UTP25: variants seen among roughly 807,000 people sequenced by gnomAD.
The protein encoded by UTP25 is U3 small nucleolar RNA-associated protein 25 homolog.
A neutral mutation model predicts 78.9 loss-of-function variants in UTP25; 50 were observed. That is an observed-to-expected ratio of 0.63 (90% confidence interval 0.50 to 0.80). UTP25 has a LOEUF of 0.80. UTP25 is among the 30% of genes least tolerant of loss of function. The pLI, the probability that UTP25 is intolerant of heterozygous loss-of-function variation, is 0.00. For synonymous variants in UTP25, 329 were observed against 336.5 expected (o/e 0.98, Z 0.24); for missense variants, 846 against 911.3 (o/e 0.93, Z 0.92).
At chr1:209,829,473 T>C (rs1571998331) in intron 1 of UTP25, among the ~76,000 whole-genome samples, 1 of 149,496 alleles carries the variant, frequency 6.7e-6, no homozygotes, top group South Asian at 2.2e-4. Context: ...ACATTCTTTT[T>C]TTCTTTTCTT....
chr1:209,848,400 G>A (rs1311769412), intron 11 of UTP25, among the ~76,000 whole-genome samples: 2 of 152,108 alleles, frequency 1.3e-5, no homozygotes, highest in African/African-American at 4.8e-5. Flanking sequence ...ACATCACATT[G>A]TTTTTAATGG....
intron 3 of UTP25, among the ~76,000 whole-genome samples, chr1:209,832,888 T>TATAA (rs1016913119): frequency 2.0e-5 from 3 of 152,010 alleles, no homozygotes; most frequent in Admixed American, 1.3e-4. Flanking sequence ...TGTCTCAATA[T>TATAA]ATAAATAAAT....
rs1422513586 is a variant in UTP25, at chr1:209,856,192, G to A, written c.*4745G>A. The A allele has an allele frequency of 1.3e-5, 2 of 152,222 alleles. No individual in the cohort carries two copies. The highest frequency in any genetic ancestry group is 2.1e-4 in the South Asian group (1 of 4,816). The allele number at this position is 152,222 out of a possible 1,614,324, so 9.4% of individuals were successfully genotyped here. The stretch of plus-strand genomic sequence containing the variant: ...GAGTAATCCCCACTAGCCTTATAGA[G>A]GGACTGTGTGAGAAGGGAAGAGACT... On this transcript the variant is annotated 3_prime_UTR_variant, in exon 12 of 12. Transcript: ENST00000491415.
chr1:209,839,009 A>C lies in UTP25; in HGVS notation c.1163A>C (p.Asn388Thr), dbSNP rs1173407486. ...GDSKKKIIVSNKKRFQGEYGS... is the reference protein window; with the variant it reads ...GDSKKKIIVSTKKRFQGEYGS... ...AGCAAGAAGAAAATCATTGTGAGCA[A>C]CAAAAAGAGGTTTCAGGGAGAATAT... Residue 388 changes from asparagine to threonine, a missense_variant, in exon 7 of 12, where the codon AAC (asparagine) becomes ACC (threonine). Transcript: ENST00000491415. 1 of 1,614,162 alleles carries C rather than the reference A, an allele frequency of 6.2e-7. No individual in the cohort carries two copies. The highest frequency in any genetic ancestry group is 1.1e-5 in the South Asian group (1 of 91,082).
At chr1:209,837,266 T>A in intron 6 of UTP25, 55 bp downstream of exon 6, 1 of 1,556,454 alleles carries the variant, frequency 6.4e-7, no homozygotes, top group South Asian at 1.2e-5. Context: ...GGCACTGCCA[T>A]AGAGGTGCCT....
chr1:209,833,347 A>G lies in UTP25; in HGVS notation c.551A>G (p.Lys184Arg). The G allele has an allele frequency of 6.4e-7, 1 of 1,572,036 alleles. No individual in the cohort carries two copies. The highest frequency in any genetic ancestry group is 8.6e-7 in the Non-Finnish European group (1 of 1,162,996). Residue 184 changes from lysine to arginine, a missense_variant, in exon 4 of 12, where the codon AAA (lysine) becomes AGA (arginine). By Grantham distance (26) the Lys-to-Arg change is conservative. Transcript: ENST00000491415. ...GAAAGTGGAGACAACTCTTCTTTGA[A>G]AGCCTCTCAAGGTCATAGCACAGTG... The part of the protein sequence containing the change: ...EEESGDNSSL[K>R]ASQDPFLQHV...
chr1:209,835,578 T>A (rs1252366264), intron 5 of UTP25, among the ~76,000 whole-genome samples: 1 of 152,238 alleles, frequency 6.6e-6, no homozygotes. Flanking sequence ...TAGGTACTAC[T>A]GTTGTTCATT....
chr1:209,843,798 T>C (rs1207341849), intron 11 of UTP25, 102 bp downstream of exon 11: 8 of 1,436,186 alleles, frequency 5.6e-6, no homozygotes, highest in Non-Finnish European at 5.6e-6. Flanking sequence ...GTTGAGATCA[T>C]CCCTCACTCT....
At chr1:209,830,186 G>A in intron 2 of UTP25, 39 bp downstream of exon 2, 1 of 1,580,530 alleles carries the variant, frequency 6.3e-7, no homozygotes, top group Non-Finnish European at 8.7e-7. Context: ...TTGGTTTTGG[G>A]TTGTTCCCAC....
In UTP25 at chr1:209,851,952, C is replaced by T. The variant is rs1389242120; in HGVS notation, c.*505C>T. The T allele has an allele frequency of 1.3e-5, 2 of 153,792 alleles. No individual in the cohort carries two copies. The highest frequency in any genetic ancestry group is 2.9e-5 in the Non-Finnish European group (2 of 69,100). The allele number at this position is 153,792 out of a possible 1,614,324, so 9.5% of individuals were successfully genotyped here. A position where few individuals can be genotyped will look rare whatever the true frequency, so the allele number is the denominator to read the frequency against. On this transcript the variant is annotated 3_prime_UTR_variant, in exon 12 of 12. Transcript: ENST00000491415. ...TGCCCCAGCCAAACTTTTTTGAAAC[C>T]TTAAATAGTCTACCTTAATTCAGCC...
chr1:209,843,562 C>A lies in UTP25; in HGVS notation c.1893C>A (p.Phe631Leu). ...ACTTCGTGCGTCTTCGAAATTACTT[C>A]AAGAAGGAGGAATTGAATTTTACCC... Reference protein sequence around the residue: ...YFDFVRLRNYFKKEELNFTHI... With the variant: ...YFDFVRLRNYLKKEELNFTHI... The change falls in exon 11 of 12, where the codon TTC becomes TTA. Residue 631 changes from phenylalanine (F) to leucine (L), a missense_variant. Transcript: ENST00000491415. 6 of 1,614,164 alleles carry A rather than the reference C, an allele frequency of 3.7e-6. No individual in the cohort carries two copies. The highest frequency in any genetic ancestry group is 5.1e-6 in the Non-Finnish European group (6 of 1,180,020).
chr1:209,828,998 T>A (rs1354538806), intron 1 of UTP25, among the ~76,000 whole-genome samples: 1 of 151,790 alleles, frequency 6.6e-6, no homozygotes, highest in Non-Finnish European at 1.5e-5. Flanking sequence ...GGTCTCGAAC[T>A]ACTGACCTCG....
At position 209,830,107 on chromosome 1, in the gene UTP25, G is replaced by C. The variant is rs1227347102; in HGVS notation, c.108-1G>C. ...ATGTAACATTGCCTGTTTCTTTTTA[G>C]GGTTTCCAGAAAGGAAGCAAAGCCA... On this transcript the variant is annotated splice_acceptor_variant, in intron 1 of 11. Coordinates refer to ENST00000491415, the MANE Select transcript of UTP25 (RefSeq NM_014388.7). LOFTEE classifies it high-confidence loss of function. The C allele has an allele frequency of 1.2e-6, 2 of 1,611,200 alleles. No homozygotes were observed. Among genetic ancestry groups the C allele is most frequent in the Non-Finnish European group, 1.7e-6 (2 of 1,178,376 alleles).
In UTP25 at chr1:209,831,030, TG is replaced by T; in HGVS notation, c.376del (p.Glu126LysfsTer6). Reference protein sequence around the residue: ...VEEEMAAESTESPENVALSAD... With the variant: ...VEEEMAAESTXSPENVALSAD... ...AAGAAGAGATGGCTGCAGAGTCTAC[TG>T]AAAGTCCAGAGAGTAAGTGTCTTTA... On this transcript the variant is annotated frameshift_variant, in exon 3 of 12. Coordinates refer to ENST00000491415, the MANE Select transcript of UTP25 (RefSeq NM_014388.7). LOFTEE classifies it high-confidence loss of function. 6.2e-7 allele frequency: 1 copy of T among 1,614,124 alleles called. No homozygotes were observed. The highest frequency in any genetic ancestry group is 8.5e-7 in the Non-Finnish European group (1 of 1,179,972).
At chr1:209,832,202 G>A (rs2102568573) in intron 3 of UTP25, among the ~76,000 whole-genome samples, 3 of 151,852 alleles carry the variant, frequency 2.0e-5, no homozygotes, top group South Asian at 2.1e-4. Flanking sequence ...GGGTAATATA[G>A]TTACCCTCTA....
rs764075210 is a variant in UTP25, at chr1:209,837,069, G to A, written c.920G>A (p.Arg307His). The change falls in exon 6 of 12, where the codon CGC (arginine) becomes CAC (histidine). Residue 307 changes from arginine to histidine, a missense_variant. Physicochemically the swap from Arg to His is conservative, Grantham distance 29. Transcript: ENST00000491415. Reference sequence around the variant, plus strand: ...GCTCTGAAGAACGGGGAAGAGATCCGCCATGTGTATTGCCTGCATGTGATA... The same window carrying A: ...GCTCTGAAGAACGGGGAAGAGATCCACCATGTGTATTGCCTGCATGTGATA... ...RTALKNGEEI[R>H]HVYCLHVINH... 8.1e-6 allele frequency: 13 copies of A among 1,614,026 alleles called. No individual in the cohort carries two copies. Among genetic ancestry groups the A allele is most frequent in the Admixed American group, 3.3e-5 (2 of 59,994 alleles).
At chr1:209,843,345 G>T in intron 10 of UTP25, 106 bp from the exon 11 acceptor site, 1 of 1,374,044 alleles carries the variant, frequency 7.3e-7, no homozygotes, top group South Asian at 1.4e-5. Context: ...CCTCTGGGGA[G>T]GTAATCTTTT....
rs2078273651 is a variant in UTP25 at position 209,856,088 on chromosome 1, C to G, written c.*4641C>G. The G allele has an allele frequency of 6.6e-6, 1 of 152,158 alleles. No individual in the cohort carries two copies. The highest frequency in any genetic ancestry group is 2.1e-4 in the South Asian group (1 of 4,826). The allele number at this position is 152,158 out of a possible 1,614,324, so 9.4% of individuals were successfully genotyped here. ...TTTTTTCAAAGCTGGGTGTTGGGAC[C>G]AACATCACCACTGACATTCTGTGGC... On this transcript the variant is annotated 3_prime_UTR_variant, in exon 12 of 12. Transcript: ENST00000491415.
chr1:209,856,758 G>GGTT lies in UTP25; in HGVS notation c.*5313_*5315dup, dbSNP rs1272881943. The stretch of plus-strand genomic sequence containing the variant: ...CACCAACATTGAGACTGTACTTCAG[G>GGTT]GTTGATGCTGGCCATTTGGTGGCGT... On this transcript the variant is annotated 3_prime_UTR_variant, in exon 12 of 12. Coordinates refer to ENST00000491415, the MANE Select transcript of UTP25 (RefSeq NM_014388.7). 12 of 152,236 alleles carry GGTT rather than the reference G, an allele frequency of 7.9e-5. No homozygotes were observed. The highest frequency in any genetic ancestry group is 2.7e-4 in the African/African-American group (11 of 41,446). The allele number at this position is 152,236 out of a possible 1,614,324, so 9.4% of individuals were successfully genotyped here.
Sources: allele counts gnomAD v4.1 joint callset (sites outside exome capture counted in the v4.1 genomes callset), GRCh38; gene constraint gnomAD v4.1.1; transcripts MANE v1.5; gene names NCBI Gene and HGNC (gene_info 2026-07-23, HGNC 2026-07-21).